PRKN: variants seen among roughly 807,000 people sequenced by gnomAD.
The protein encoded by PRKN is parkin RBR E3 ubiquitin protein ligase.
In PRKN, 56 loss-of-function variants were observed where a neutral mutation model predicts 59.5. That is an observed-to-expected ratio of 0.94 (90% CI 0.76 to 1.18). The LOEUF is 1.18. PRKN is among the 50% of genes most tolerant of loss of function. The pLI is 0.00. For missense variants in PRKN, 657 were observed against 596.4 expected (o/e 1.10, Z -1.06); for synonymous variants, 250 against 222.1 (o/e 1.13, Z -1.12).
chr6:162,218,875 T>C (rs1406316923), intron 3 of PRKN, among the ~76,000 whole-genome samples: 3 of 152,144 alleles, frequency 2.0e-5, no homozygotes, highest in South Asian at 4.1e-4. Context: ...GCCAACCATA[T>C]GCCTGTTTAG....
At chr6:161,799,589 AT>A (rs1222850234) in intron 6 of PRKN, among the ~76,000 whole-genome samples, 1 of 152,222 alleles carries the variant, frequency 6.6e-6, no homozygotes, top group Non-Finnish European at 1.5e-5. Flanking sequence ...GAACATATTG[AT>A]TCCCTTATTG....
At chr6:162,355,714 A>T (rs113528750) in intron 2 of PRKN, among the ~76,000 whole-genome samples, 2,233 of 90,772 alleles carry the variant, frequency 0.025, 42 homozygotes, top group African/African-American at 0.074. Flanking sequence ...GAACCAAATT[A>T]AAAAAAAAAA....
intron 4 of PRKN, among the ~76,000 whole-genome samples, chr6:162,100,594 A>G (rs1779926081): frequency 9.6e-6 from 1 of 104,652 alleles, no homozygotes; most frequent in Non-Finnish European, 2.3e-5. Flanking sequence ...GGCACCCACC[A>G]CCACACCTAG....
chr6:162,333,136 C>CAT (rs761811585), intron 2 of PRKN, among the ~76,000 whole-genome samples: 8 of 151,838 alleles, frequency 5.3e-5, no homozygotes, highest in Non-Finnish European at 7.4e-5. Flanking sequence ...GAAAGAGACC[C>CAT]ATATATTCTT....
chr6:161,898,368 A>G (rs1777741589), intron 6 of PRKN, among the ~76,000 whole-genome samples: 1 of 152,218 alleles, frequency 6.6e-6, no homozygotes, highest in South Asian at 2.1e-4. Flanking sequence ...TCCCACGAGC[A>G]ATAATATTTA....
chr6:162,314,885 G>A (rs9458508), intron 2 of PRKN, among the ~76,000 whole-genome samples: 132 of 151,992 alleles, frequency 8.7e-4, no homozygotes, highest in African/African-American at 3.1e-3. Context: ...ATCTGTATGC[G>A]TTTCACAGGA....
chr6:162,687,720 C>T (rs1777625494), intron 1 of PRKN, among the ~76,000 whole-genome samples: 1 of 152,086 alleles, frequency 6.6e-6, no homozygotes, highest in East Asian at 1.9e-4. Context: ...TGTAAATTTT[C>T]CCACCTGTGT....
At chr6:162,667,613 T>G (rs1016628075) in intron 1 of PRKN, among the ~76,000 whole-genome samples, 1 of 152,228 alleles carries the variant, frequency 6.6e-6, no homozygotes, top group South Asian at 2.1e-4. Flanking sequence ...GTGTCCTATA[T>G]ATATATTTAA....
intron 6 of PRKN, among the ~76,000 whole-genome samples, chr6:161,929,517 C>CTTTTTTTTTTTT (rs759945931): frequency 9.7e-5 from 7 of 72,272 alleles, no homozygotes; most frequent in African/African-American, 1.7e-4. Context: ...AATTTCACCT[C>CTTTTTTTTTTTT]TTTTTTTTTT....
intron 6 of PRKN, among the ~76,000 whole-genome samples, chr6:161,801,514 C>T (rs1283434959): frequency 6.6e-6 from 1 of 152,216 alleles, no homozygotes; most frequent in Admixed American, 6.5e-5. Context: ...GGGGCTTTAA[C>T]TTATTGAGCT....
intron 6 of PRKN, among the ~76,000 whole-genome samples, chr6:161,874,157 TATATATA>T (rs1366287933): frequency 1.2e-4 from 5 of 42,744 alleles, no homozygotes; most frequent in East Asian, 1.1e-3. Flanking sequence ...TAATATATAT[TATATATA>T]ATATATAATA....
intron 2 of PRKN, among the ~76,000 whole-genome samples, chr6:162,296,320 C>G (rs75778763): frequency 0.028 from 4,214 of 150,988 alleles, 183 homozygotes; most frequent in African/African-American, 0.091. Flanking sequence ...CCCACACTCT[C>G]CAGGAAGGGT....
intron 9 of PRKN, among the ~76,000 whole-genome samples, chr6:161,532,013 G>T (rs1225135770): frequency 6.6e-6 from 1 of 151,762 alleles, no homozygotes; most frequent in Non-Finnish European, 1.5e-5. Flanking sequence ...AGGAGTTTGG[G>T]GTAAAAATTT....
At chr6:162,256,417 G>A (rs1779641363) in intron 3 of PRKN, among the ~76,000 whole-genome samples, 1 of 152,140 alleles carries the variant, frequency 6.6e-6, no homozygotes, top group South Asian at 2.1e-4. Context: ...ATTGAAAAGA[G>A]TGTATTACAG....
intron 5 of PRKN, among the ~76,000 whole-genome samples, chr6:162,050,134 G>A (rs79202754): frequency 2.6e-5 from 4 of 152,064 alleles, no homozygotes; most frequent in East Asian, 3.9e-4. Context: ...TCAAAACCTC[G>A]CATGTCTCCT....
intron 7 of PRKN, among the ~76,000 whole-genome samples, chr6:161,671,733 A>T (rs1784916932): frequency 6.6e-6 from 1 of 152,186 alleles, no homozygotes; most frequent in South Asian, 2.1e-4. Flanking sequence ...TTCTTTCCAG[A>T]GCATGTAATC....
chr6:162,671,424 G>A (rs1053178695), intron 1 of PRKN, among the ~76,000 whole-genome samples: 9 of 151,598 alleles, frequency 5.9e-5, no homozygotes, highest in South Asian at 2.1e-4. Context: ...GCTTGAACCC[G>A]GAAGGCGGAG....
At position 161,547,984 on chromosome 6, in the gene PRKN, C is replaced by G. The variant is rs1415049371; in HGVS notation, c.1083+870G>C. On this transcript the variant is annotated intron_variant, in intron 9 of 11. Transcript: ENST00000366898. The surrounding 1 kb of genome is among the most constrained non-coding windows in gnomAD (Gnocchi z 4.0). ...TGCTAATTTATTTCTAGATGACTTACAGTGCTCAGCCCCAAATCAAGACTG... is the reference window on the plus strand; with the variant it reads ...TGCTAATTTATTTCTAGATGACTTAGAGTGCTCAGCCCCAAATCAAGACTG... Among the ~76,000 whole-genome samples the G allele has an allele frequency of 6.6e-6, 1 of 152,192 alleles. No homozygotes were observed. The highest frequency in any genetic ancestry group is 2.4e-5 in the African/African-American group (1 of 41,442).
At chr6:162,487,439 C>T (rs145339637) in intron 1 of PRKN, among the ~76,000 whole-genome samples, 88 of 152,292 alleles carry the variant, frequency 5.8e-4, no homozygotes, top group African/African-American at 1.8e-3. Context: ...AGAGCCTGCA[C>T]GCGTGGCAGG....
Sources: allele counts gnomAD v4.1 joint callset (sites outside exome capture counted in the v4.1 genomes callset), GRCh38; gene constraint gnomAD v4.1.1; non-coding constraint Gnocchi (gnomAD v3.1); transcripts MANE v1.5; gene names NCBI Gene and HGNC (gene_info 2026-07-23, HGNC 2026-07-21).